The following SEC61A1 variants were observed in gnomAD, a reference collection of about 807,000 sequenced individuals.
The protein encoded by SEC61A1 is protein transport protein Sec61 subunit alpha isoform 1.
A neutral mutation model predicts 55.2 loss-of-function variants in SEC61A1; 15 were observed. The observed-to-expected ratio is 0.27, with a 90% CI of 0.18 to 0.42. The LOEUF (loss-of-function observed/expected upper bound fraction) is 0.42, where lower values mean the gene tolerates loss of function less well. Among genes scored for constraint, SEC61A1 ranks in the 10% least tolerant of loss-of-function variants. SEC61A1 has a pLI of 1.00. For synonymous variants in SEC61A1, 247 were observed against 234.0 expected (o/e 1.06, Z -0.51); for missense variants, 284 against 602.6 (o/e 0.47, Z 5.53).
intron 5 of SEC61A1, among the ~76,000 whole-genome samples, chr3:128,058,589 C>T (rs1045605638): frequency 1.3e-5 from 2 of 152,062 alleles, no homozygotes; most frequent in African/African-American, 4.8e-5. Flanking sequence ...TGGCTGGGAG[C>T]GGTGGCTCAT....
intron 7 of SEC61A1, among the ~76,000 whole-genome samples, chr3:128,062,717 G>C (rs539456899): frequency 4.6e-5 from 7 of 152,216 alleles, no homozygotes; most frequent in African/African-American, 1.7e-4. Context: ...AGAAACTTGG[G>C]AACAGTGCTT....
intron 5 of SEC61A1, among the ~76,000 whole-genome samples, chr3:128,058,817 C>G (rs1314971994): frequency 6.6e-6 from 1 of 151,920 alleles, no homozygotes; most frequent in Admixed American, 6.5e-5. Context: ...TAGTGCACCA[C>G]TGCACTCCTG....
At chr3:128,051,685 T>C, upstream of SEC61A1, 1 of 1,441,108 alleles carries the variant, frequency 6.9e-7, no homozygotes, top group Non-Finnish European at 9.1e-7. Flanking sequence ...CTCAACCTGT[T>C]CCCTCATTCC....
chr3:128,052,606 C>G, intron 1 of SEC61A1, 47 bp downstream of exon 1: 1 of 1,578,394 alleles, frequency 6.3e-7, no homozygotes, highest in Non-Finnish European at 8.6e-7. Context: ...GGAACAGATC[C>G]CCCTTCCCCA....
At chr3:128,065,821 A>G (rs1941959834) in intron 8 of SEC61A1, among the ~76,000 whole-genome samples, 1 of 136,848 alleles carries the variant, frequency 7.3e-6, no homozygotes, top group South Asian at 2.2e-4. Context: ...GACTCACTGC[A>G]ACCTCCGCCT....
In SEC61A1 at chr3:128,052,615, C is replaced by T; in HGVS notation, c.7+56C>T. ...CGGGACGGAACAGATCCCCCTTCCCCACACCCGTGCGGTCGGGCGCCCGCC... is the reference window on the plus strand; with the variant it reads ...CGGGACGGAACAGATCCCCCTTCCCTACACCCGTGCGGTCGGGCGCCCGCC... On this transcript the variant is annotated intron_variant, in intron 1 of 11. Transcript: ENST00000243253. The T allele has an allele frequency of 1.9e-6, 3 of 1,567,756 alleles. No homozygotes were observed. In the Admixed American group the frequency reaches 5.8e-5, roughly 30 times the overall value.
Position 128,063,774 on chromosome 3 carries a change from T to C in SEC61A1, c.617-1103T>C, listed in dbSNP as rs561643582. Among the ~76,000 whole-genome samples, 25 of 152,310 alleles carry C rather than the reference T, an allele frequency of 1.6e-4. 1 individual carries two copies. The highest frequency in any genetic ancestry group is 1.6e-3 in the Admixed American group (25 of 15,308). Reference sequence around the variant, plus strand: ...GAGTTGCCAGGCTTCCATTATGGGATGGTTATGCTGTCCTGGAACGGCAGA... The same window carrying C: ...GAGTTGCCAGGCTTCCATTATGGGACGGTTATGCTGTCCTGGAACGGCAGA... On this transcript the variant is annotated intron_variant, in intron 7 of 11. Transcript: ENST00000243253.
At chr3:128,052,635 C>G in intron 1 of SEC61A1, 76 bp downstream of exon 1, 1 of 1,552,968 alleles carries the variant, frequency 6.4e-7, no homozygotes, top group East Asian at 2.4e-5. Flanking sequence ...CGGTCGGGCG[C>G]CCGCCGGCCA....
At chr3:128,056,652 A>C (rs1941776725) in intron 4 of SEC61A1, 57 bp from the exon 5 acceptor site, 2 of 1,389,312 alleles carry the variant, frequency 1.4e-6, no homozygotes, top group Non-Finnish European at 9.5e-7. Flanking sequence ...CATTTTTAAA[A>C]TAACGTACTA....
intron 4 of SEC61A1, 44 bp downstream of exon 4, chr3:128,055,795 C>G (rs776911291): frequency 6.2e-6 from 9 of 1,457,838 alleles, no homozygotes; most frequent in Non-Finnish European, 8.6e-6. Flanking sequence ...TGTAGGCTTA[C>G]CTAGCTTCAC....
At chr3:128,065,457 TCC>T (rs1242772781) in intron 8 of SEC61A1, among the ~76,000 whole-genome samples, 1 of 152,210 alleles carries the variant, frequency 6.6e-6, no homozygotes, top group Admixed American at 6.5e-5. Context: ...TTAAAAGTAT[TCC>T]ATCTCTTAAA....
chr3:128,056,718 T>C lies in SEC61A1; in HGVS notation c.230T>C (p.Met77Thr), dbSNP rs1432982616. The C allele has an allele frequency of 6.4e-7, 1 of 1,571,334 alleles. No individual in the cohort carries two copies. Among genetic ancestry groups the C allele is most frequent in the East Asian group, 2.3e-5 (1 of 43,866 alleles). The change falls in exon 5 of 12, where the codon ATG becomes ACG. Residue 77 changes from methionine to threonine, a missense_variant. Physicochemically the swap from Met to Thr is moderately conservative, Grantham distance 81. Coordinates refer to ENST00000243253, the MANE Select transcript of SEC61A1 (RefSeq NM_013336.4). The part of the protein sequence containing the change: ...VILASNRGTL[M>T]ELGISPIVTS... ...TCCCCGTTTCCTCAAGGCACATTGA[T>C]GGAGCTAGGGATCTCTCCTATTGTC...
upstream of SEC61A1, chr3:128,052,048 A>C (rs954126248): frequency 2.8e-6 from 2 of 719,636 alleles, no homozygotes; most frequent in Non-Finnish European, 4.7e-6. Flanking sequence ...AAGAGCAGTG[A>C]GTGCTGTTAC....
In SEC61A1 at chr3:128,070,436, G is replaced by C. The variant is rs533035595; in HGVS notation, c.*774G>C. ...CAAGCTAGGTGGACAGACCCTTGCAGTGATGTCCGTTTGTCCAGATTCTGC... is the reference window on the plus strand; with the variant it reads ...CAAGCTAGGTGGACAGACCCTTGCACTGATGTCCGTTTGTCCAGATTCTGC... On this transcript the variant is annotated 3_prime_UTR_variant, in exon 12 of 12. Coordinates refer to ENST00000243253, the MANE Select transcript of SEC61A1 (RefSeq NM_013336.4). The C allele has an allele frequency of 1.3e-5, 2 of 152,370 alleles. No homozygotes were observed. Among genetic ancestry groups the C allele is most frequent in the East Asian group, 3.9e-4 (2 of 5,188 alleles). 9.4% of individuals were successfully genotyped at this position (152,370 alleles called of 1,614,324 possible).
chr3:128,069,393 A>G, intron 11 of SEC61A1, 83 bp from the exon 12 acceptor site: 9 of 1,341,212 alleles, frequency 6.7e-6, no homozygotes, highest in Non-Finnish European at 9.3e-6. Context: ...ATTAGGTCCC[A>G]AAGTCTCAGG....
chr3:128,059,327 GC>G (rs962313822), intron 5 of SEC61A1, among the ~76,000 whole-genome samples: 2 of 152,082 alleles, frequency 1.3e-5, no homozygotes, highest in African/African-American at 4.8e-5. Flanking sequence ...CAAAAAATTA[GC>G]TGGCTGTGGT....
At chr3:128,058,074 G>T (rs2107642975) in intron 5 of SEC61A1, among the ~76,000 whole-genome samples, 1 of 151,926 alleles carries the variant, frequency 6.6e-6, no homozygotes, top group Non-Finnish European at 1.5e-5. Context: ...TTTAGCCTCT[G>T]TTTGCTGAAA....
intron 11 of SEC61A1, 26 bp downstream of exon 11, chr3:128,068,085 C>G: frequency 3.8e-6 from 6 of 1,588,288 alleles, no homozygotes; most frequent in Non-Finnish European, 5.2e-6. Context: ...AGGTCCCCAA[C>G]CTCCCGTCTG....
rs370663240 is a variant in SEC61A1, at chr3:128,067,417, C to T, written c.976-4C>T. 6.2e-7 allele frequency: 1 copy of T among 1,609,396 alleles called. No homozygotes were observed. Among genetic ancestry groups the T allele is most frequent in the Non-Finnish European group, 8.5e-7 (1 of 1,178,284 alleles). On this transcript the variant is annotated splice_region_variant and splice_polypyrimidine_tract_variant and intron_variant, in intron 9 of 11. Coordinates refer to ENST00000243253, the MANE Select transcript of SEC61A1 (RefSeq NM_013336.4). This position sits in a 1 kb window ranked among gnomAD's most constrained non-coding sequence, Gnocchi z 4.1. ...TCACATGCGTTTGGTTTCTTCTTCC[C>T]CAGGACACGTCTTCTGGGGGCCCAG...
Sources: allele counts gnomAD v4.1 joint callset (sites outside exome capture counted in the v4.1 genomes callset), GRCh38; gene constraint gnomAD v4.1.1; non-coding constraint Gnocchi (gnomAD v3.1); transcripts MANE v1.5; gene names NCBI Gene and HGNC (gene_info 2026-07-23, HGNC 2026-07-21).